The following DOCK3 variants were observed in gnomAD, a reference collection of about 807,000 sequenced individuals.
DOCK3 encodes the protein dedicator of cytokinesis 3, also known as dedicator of cytokinesis protein 3.
DOCK3 carries 60 observed loss-of-function variants against 265.6 expected under a neutral mutation model. That is an observed-to-expected ratio of 0.23 (90% CI 0.18 to 0.28). DOCK3 has a LOEUF of 0.28. DOCK3 is among the 10% of genes least tolerant of loss of function. The pLI, the probability that DOCK3 is intolerant of heterozygous loss-of-function variation, is 1.00. For missense variants in DOCK3, 1,981 were observed against 2,594.3 expected (o/e 0.76, Z 5.14); for synonymous variants, 881 against 938.0 (o/e 0.94, Z 1.11).
At chr3:51,178,035 A>G (rs2087061012) in intron 12 of DOCK3, among the ~76,000 whole-genome samples, 1 of 151,552 alleles carries the variant, frequency 6.6e-6, no homozygotes, top group Non-Finnish European at 1.5e-5. Context: ...TAGTAAAAAA[A>G]AAAAAAGTCT....
chr3:51,008,748 G>A (rs565258466), intron 5 of DOCK3, among the ~76,000 whole-genome samples: 43 of 152,304 alleles, frequency 2.8e-4, no homozygotes, highest in Non-Finnish European at 4.7e-4. Context: ...GATATTGGCT[G>A]TGGGTTTGTC....
intron 7 of DOCK3, 89 bp downstream of exon 7, chr3:51,075,529 C>A: frequency 8.5e-7 from 1 of 1,179,458 alleles, no homozygotes; most frequent in Non-Finnish European, 1.2e-6. Flanking sequence ...AACAACATTG[C>A]TAAAAATTTG....
chr3:51,189,149 G>A (rs888204424), intron 12 of DOCK3, among the ~76,000 whole-genome samples: 1 of 152,058 alleles, frequency 6.6e-6, no homozygotes, highest in African/African-American at 2.4e-5. Context: ...ATAGCTCATT[G>A]TGGTTTTGAT....
intron 21 of DOCK3, among the ~76,000 whole-genome samples, chr3:51,239,194 G>A (rs570162502): frequency 1.2e-3 from 41 of 34,420 alleles, no homozygotes; most frequent in South Asian, 4.8e-3. Flanking sequence ...AAGATAAAGC[G>A]TACTTTTTAT....
intron 1 of DOCK3, among the ~76,000 whole-genome samples, chr3:50,752,079 G>A (rs185109823): frequency 6.6e-6 from 1 of 152,220 alleles, no homozygotes; most frequent in Admixed American, 6.5e-5. Context: ...TACCTGCAAT[G>A]CTTTTTCTTT....
intron 1 of DOCK3, among the ~76,000 whole-genome samples, chr3:50,756,313 A>G (rs895471368): frequency 7.2e-5 from 11 of 152,040 alleles, no homozygotes; most frequent in Admixed American, 3.9e-4. Flanking sequence ...TGCTCGCCCA[A>G]TTCCTGCGAT....
chr3:51,381,518 C>T lies in DOCK3; in HGVS notation c.6052C>T (p.Gln2018Ter). The T allele has an allele frequency of 1.3e-6, 2 of 1,574,384 alleles. No homozygotes were observed. Among genetic ancestry groups the T allele is most frequent in the Non-Finnish European group, 8.6e-7 (1 of 1,161,436 alleles). The change falls in exon 53 of 53, where the codon CAG becomes TAG. Residue 2018 changes from glutamine to a stop codon, truncating the protein, a stop_gained. Coordinates refer to ENST00000266037, the MANE Select transcript of DOCK3 (RefSeq NM_004947.5). LOFTEE classifies it high-confidence loss of function. The surrounding 1 kb of genome is among the most constrained non-coding windows in gnomAD (Gnocchi z 5.6). ...PLPPGSAKEE[Q>*]ARMAWEHGRG... Reference sequence around the variant, plus strand: ...GCCTCCTGGGAGCGCTAAGGAGGAGCAGGCCCGCATGGCCTGGGAGCACGG... The same window carrying T: ...GCCTCCTGGGAGCGCTAAGGAGGAGTAGGCCCGCATGGCCTGGGAGCACGG...
At chr3:50,841,327 T>G (rs1055958671) in intron 2 of DOCK3, among the ~76,000 whole-genome samples, 2 of 152,188 alleles carry the variant, frequency 1.3e-5, no homozygotes, top group African/African-American at 4.8e-5. Context: ...TGGGCTGTAC[T>G]CCCTATCTGC....
intron 1 of DOCK3, among the ~76,000 whole-genome samples, chr3:50,744,918 T>G: frequency 6.6e-6 from 1 of 152,222 alleles, no homozygotes; most frequent in African/African-American, 2.4e-5. Context: ...TTTATTGATC[T>G]ATATGTCTAC....
In DOCK3 at chr3:51,075,429, C is replaced by G; in HGVS notation, c.538C>G (p.Leu180Val). 6.2e-7 allele frequency: 1 copy of G among 1,607,820 alleles called. No homozygotes were observed. Among genetic ancestry groups the G allele is most frequent in the South Asian group, 1.1e-5 (1 of 89,378 alleles). ...CTCGGACCAGATTAGTGTCTCAGAT[C>G]TCTATAAGATGGTAAGAAATCTAAC... ...VDSDQISVSDLYKMHLSSRQS... is the reference protein window; with the variant it reads ...VDSDQISVSDVYKMHLSSRQS... Residue 180 changes from leucine to valine, a missense_variant, in exon 7 of 53, where the codon CTC (leucine) becomes GTC (valine). Around this residue, in one of 4 missense-constraint regions of DOCK3, gnomAD observed 456 missense variants for 539.0 expected, o/e 0.85. Coordinates refer to ENST00000266037, the MANE Select transcript of DOCK3 (RefSeq NM_004947.5).
intron 3 of DOCK3, among the ~76,000 whole-genome samples, chr3:50,867,675 A>G (rs2047213471): frequency 6.6e-6 from 1 of 151,512 alleles, no homozygotes; most frequent in African/African-American, 2.4e-5. Context: ...TTCATAATCA[A>G]TTGAAATGAT....
intron 2 of DOCK3, among the ~76,000 whole-genome samples, chr3:50,792,695 G>T (rs2042543881): frequency 6.6e-6 from 1 of 152,224 alleles, no homozygotes; most frequent in Admixed American, 6.5e-5. Context: ...AGATGATCAT[G>T]TGGTTTTTGT....
At chr3:50,966,095 A>G (rs1308790690) in intron 5 of DOCK3, among the ~76,000 whole-genome samples, 1 of 150,384 alleles carries the variant, frequency 6.6e-6, no homozygotes, top group African/African-American at 2.4e-5. Context: ...TGTTTGGCTT[A>G]TTTCACTTTA....
intron 2 of DOCK3, among the ~76,000 whole-genome samples, chr3:50,833,904 A>G (rs1209725659): frequency 6.6e-6 from 1 of 152,198 alleles, no homozygotes. Flanking sequence ...AGAGACAAAT[A>G]TGCTTCAAAT....
chr3:51,001,415 T>C (rs1044125701), intron 5 of DOCK3, among the ~76,000 whole-genome samples: 2 of 152,182 alleles, frequency 1.3e-5, no homozygotes, highest in African/African-American at 4.8e-5. Flanking sequence ...TCTTTTACCA[T>C]AGACTCTCCT....
At chr3:50,767,184 G>A (rs529038549) in intron 1 of DOCK3, among the ~76,000 whole-genome samples, 4 of 152,276 alleles carry the variant, frequency 2.6e-5, no homozygotes, top group Admixed American at 2.0e-4. Flanking sequence ...TAGACTTGAA[G>A]TGCTTGCCCA....
At chr3:50,914,561 T>TA (rs1418632741) in intron 4 of DOCK3, among the ~76,000 whole-genome samples, 4 of 152,164 alleles carry the variant, frequency 2.6e-5, no homozygotes, top group African/African-American at 9.7e-5. Context: ...AGATAGTTGA[T>TA]ACGATTTCAG....
chr3:50,905,990 C>G (rs1299976181), intron 4 of DOCK3, among the ~76,000 whole-genome samples: 3 of 152,008 alleles, frequency 2.0e-5, no homozygotes, highest in Non-Finnish European at 2.9e-5. Flanking sequence ...TGAATTTTGT[C>G]AAAGGCCTTT....
intron 4 of DOCK3, among the ~76,000 whole-genome samples, chr3:50,903,740 G>T (rs1397963028): frequency 6.6e-6 from 1 of 151,788 alleles, no homozygotes; most frequent in Non-Finnish European, 1.5e-5. Context: ...AGTAGAAATG[G>T]TACCAGCTCT....
Sources: gnomAD v4.1 joint callset for allele counts (sites outside exome capture counted in the v4.1 genomes callset) on GRCh38, gnomAD v4.1.1 for gene constraint, gnomAD v4.1.1 regional missense constraint, Gnocchi (gnomAD v3.1) non-coding constraint, MANE v1.5 for transcripts, NCBI Gene and HGNC (gene_info 2026-07-23, HGNC 2026-07-21) for gene names.